The following KDM4B variants were observed in gnomAD, a reference collection of about 807,000 sequenced individuals.
The protein encoded by KDM4B is lysine-specific demethylase 4B.
KDM4B carries 32 observed loss-of-function variants against 125.2 expected under a neutral mutation model. The observed-to-expected ratio is 0.26, with a 90% CI of 0.19 to 0.34. KDM4B has a LOEUF of 0.34. Ranked by LOEUF, KDM4B falls within the 10% of genes least tolerant of loss-of-function variation. The pLI, the probability that KDM4B is intolerant of heterozygous loss-of-function variation, is 1.00. For synonymous variants in KDM4B, 721 were observed against 677.9 expected, an observed-to-expected ratio of 1.06 and a Z score of -0.99; for missense variants, 1,190 against 1,577.7, an observed-to-expected ratio of 0.75 and a Z score of 4.16.
intron 1 of KDM4B, among the ~76,000 whole-genome samples, chr19:4,983,422 C>G (rs7257991): frequency 0.083 from 12,667 of 152,242 alleles, 1,619 homozygotes; most frequent in African/African-American, 0.27. Flanking sequence ...AATGGCAGGA[C>G]ACGCTGCGAC....
chr19:4,972,150 A>AG (rs902861075), intron 1 of KDM4B, among the ~76,000 whole-genome samples: 2 of 152,166 alleles, frequency 1.3e-5, no homozygotes, highest in Non-Finnish European at 2.9e-5. Flanking sequence ...ACAGAAGAGC[A>AG]GGGGCCCAGC....
At chr19:5,093,971 T>C (rs950478431) in intron 9 of KDM4B, among the ~76,000 whole-genome samples, 1 of 152,200 alleles carries the variant, frequency 6.6e-6, no homozygotes, top group African/African-American at 2.4e-5. Flanking sequence ...ATGTATCCTC[T>C]CTCAGTTCTG....
At chr19:5,145,263 T>C (rs927002120) in intron 21 of KDM4B, among the ~76,000 whole-genome samples, 2 of 151,830 alleles carry the variant, frequency 1.3e-5, no homozygotes, top group Middle Eastern at 3.4e-3. Flanking sequence ...TTCTCATGAC[T>C]GTGGAAGAGG....
At chr19:5,039,651 G>A (rs560442512) in intron 3 of KDM4B, among the ~76,000 whole-genome samples, 185 bp from the exon 4 acceptor site, 49 of 152,246 alleles carry the variant, frequency 3.2e-4, no homozygotes, top group African/African-American at 9.9e-4. Flanking sequence ...TGAGGCCCTT[G>A]TTGGCTGCAG....
chr19:5,150,588 G>A lies in KDM4B; in HGVS notation c.3114+138G>A, dbSNP rs144320842. 1.0e-3 allele frequency: 650 copies of A among 628,122 alleles called. 4 individuals carry two copies. The highest frequency in any genetic ancestry group is 9.4e-3 in the African/African-American group (511 of 54,460). The allele number at this position is 628,122 out of a possible 1,614,324, so 38.9% of individuals were successfully genotyped here. On this transcript the variant is annotated intron_variant, in intron 22 of 22. Coordinates refer to ENST00000159111, the MANE Select transcript of KDM4B (RefSeq NM_015015.3). Reference sequence around the variant, plus strand: ...CCTCTGCTGGAAGGGGGTCCCGGCCGCCCCAGCACAGCTGGTCCATGGGCT... The same window carrying A: ...CCTCTGCTGGAAGGGGGTCCCGGCCACCCCAGCACAGCTGGTCCATGGGCT...
chr19:5,064,026 G>A (rs993778954), intron 6 of KDM4B, among the ~76,000 whole-genome samples: 1 of 152,200 alleles, frequency 6.6e-6, no homozygotes, highest in South Asian at 2.1e-4. Context: ...TCTCCTTCCC[G>A]GCCTGTGCCA....
chr19:5,098,875 A>G (rs1463964218), intron 9 of KDM4B, among the ~76,000 whole-genome samples: 1 of 152,190 alleles, frequency 6.6e-6, no homozygotes, highest in African/African-American at 2.4e-5. Context: ...ACCATAAGAA[A>G]TAAGCAATTT....
intron 11 of KDM4B, 54 bp from the exon 12 acceptor site, chr19:5,131,022 A>G (rs913619003): frequency 1.4e-4 from 190 of 1,316,490 alleles, no homozygotes; most frequent in Non-Finnish European, 1.9e-4. Context: ...GGAGCGTGGG[A>G]CCAGCACTTG....
intron 3 of KDM4B, among the ~76,000 whole-genome samples, chr19:5,038,119 C>A (rs894351439): frequency 6.6e-6 from 1 of 152,196 alleles, no homozygotes; most frequent in African/African-American, 2.4e-5. Flanking sequence ...GCAGATGAGC[C>A]GAAGCGGGTG....
At chr19:4,976,104 T>C (rs1275612764) in intron 1 of KDM4B, among the ~76,000 whole-genome samples, 2 of 151,070 alleles carry the variant, frequency 1.3e-5, no homozygotes, top group Non-Finnish European at 3.0e-5. Flanking sequence ...ACAAAATTAG[T>C]TGGGCGTGGT....
At chr19:5,089,908 A>C (rs1412387099) in intron 9 of KDM4B, among the ~76,000 whole-genome samples, 1 of 152,164 alleles carries the variant, frequency 6.6e-6, no homozygotes, top group Non-Finnish European at 1.5e-5. Context: ...GCAGTGACTC[A>C]TGCCTCTAAT....
rs528606445 is a variant in KDM4B, at chr19:5,102,713, C to T, written c.919-7909C>T. Among the ~76,000 whole-genome samples, 508 of 152,190 alleles carry T rather than the reference C, an allele frequency of 3.3e-3. 2 individuals carry two copies. Among genetic ancestry groups the T allele is most frequent in the African/African-American group, 0.012 (478 of 41,536 alleles). On this transcript the variant is annotated intron_variant, in intron 9 of 22. Coordinates refer to ENST00000159111, the MANE Select transcript of KDM4B (RefSeq NM_015015.3). Reference sequence around the variant, plus strand: ...GCAATGGGCGGCGGGCGACGGGTGACGGGTGACGGGTGATGGGTGCAGCAC... The same window carrying T: ...GCAATGGGCGGCGGGCGACGGGTGATGGGTGACGGGTGATGGGTGCAGCAC...
chr19:5,114,297 G>A lies in KDM4B; in HGVS notation c.1115+3479G>A, dbSNP rs190698951. 30 of 1,206,280 alleles carry A rather than the reference G, an allele frequency of 2.5e-5. No homozygotes were observed. The highest frequency in any genetic ancestry group is 4.4e-4 in the Middle Eastern group (2 of 4,530). The allele number at this position is 1,206,280 out of a possible 1,614,324, so 74.7% of individuals were successfully genotyped here. A position where few individuals can be genotyped will look rare whatever the true frequency, so the allele number is the denominator to read the frequency against. On this transcript the variant is annotated intron_variant, in intron 10 of 22. Transcript: ENST00000159111. This position sits in a 1 kb window ranked among gnomAD's most constrained non-coding sequence, Gnocchi z 5.8. ...TGGCCCACTGCTGCTCTGTGAGCCCGGCTGGGCCCAGGCCTCGTCTCCCCT... is the reference window on the plus strand; with the variant it reads ...TGGCCCACTGCTGCTCTGTGAGCCCAGCTGGGCCCAGGCCTCGTCTCCCCT...
At chr19:4,976,811 T>C (rs1203606198) in intron 1 of KDM4B, among the ~76,000 whole-genome samples, 1 of 152,182 alleles carries the variant, frequency 6.6e-6, no homozygotes, top group African/African-American at 2.4e-5. Context: ...CACACTTCCT[T>C]TGTCTCACTC....
At chr19:5,015,463 G>A (rs1435434879) in intron 1 of KDM4B, among the ~76,000 whole-genome samples, 1 of 152,090 alleles carries the variant, frequency 6.6e-6, no homozygotes, top group Non-Finnish European at 1.5e-5. Flanking sequence ...TGTTGACCAG[G>A]CTGGTCTTGA....
chr19:5,087,365 C>T (rs1474909633), intron 9 of KDM4B, among the ~76,000 whole-genome samples: 7 of 152,320 alleles, frequency 4.6e-5, no homozygotes, highest in Admixed American at 4.6e-4. Context: ...GTGTCCCCAC[C>T]CCCGGCTCTC....
chr19:4,974,604 G>T (rs1044888330), intron 1 of KDM4B, among the ~76,000 whole-genome samples: 2 of 151,714 alleles, frequency 1.3e-5, no homozygotes, highest in African/African-American at 2.4e-5. Flanking sequence ...CGGGCATGGT[G>T]GTGGGCGCCT....
chr19:5,017,583 G>A (rs967983800), intron 2 of KDM4B, among the ~76,000 whole-genome samples: 1 of 152,174 alleles, frequency 6.6e-6, no homozygotes, highest in African/African-American at 2.4e-5. Context: ...TGGCAGGTCT[G>A]TCTGTGCCTC....
At chr19:5,064,426 G>A (rs1396456545) in intron 6 of KDM4B, among the ~76,000 whole-genome samples, 2 of 151,480 alleles carry the variant, frequency 1.3e-5, no homozygotes, top group Non-Finnish European at 2.9e-5. Flanking sequence ...AAGGGCTCTT[G>A]GTCGGACCTC....
Sources: gnomAD v4.1 joint callset for allele counts (sites outside exome capture counted in the v4.1 genomes callset) on GRCh38, gnomAD v4.1.1 for gene constraint, Gnocchi (gnomAD v3.1) non-coding constraint, MANE v1.5 for transcripts, NCBI Gene and HGNC (gene_info 2026-07-23, HGNC 2026-07-21) for gene names.